The following NECAP1 variants were observed in gnomAD, a reference collection of about 807,000 sequenced individuals.
NECAP1 encodes the protein NECAP endocytosis associated 1.
A neutral mutation model predicts 33.4 loss-of-function variants in NECAP1; 13 were observed. The observed-to-expected ratio is 0.39, with a 90% CI of 0.25 to 0.62. The LOEUF (loss-of-function observed/expected upper bound fraction) is 0.62. Among genes scored for constraint, NECAP1 ranks in the 20% least tolerant of loss-of-function variants. The pLI is 0.52. For synonymous variants in NECAP1, 109 were observed against 125.2 expected, an observed-to-expected ratio of 0.87 and a Z score of 0.86; for missense variants, 272 against 347.4, an observed-to-expected ratio of 0.78 and a Z score of 1.73.
intron 1 of NECAP1, chr12:8,088,908 T>G (rs1261577318): frequency 6.6e-6 from 1 of 152,190 alleles, no homozygotes; most frequent in Non-Finnish European, 1.5e-5. Flanking sequence ...ATAACTCTCT[T>G]GCTTCACATT....
At chr12:8,091,344 C>G (rs760846700) in intron 3 of NECAP1, 61 of 168,908 alleles carry the variant, frequency 3.6e-4, no homozygotes, top group Admixed American at 1.3e-3. Context: ...CACTTTATTT[C>G]TATTATTATT....
At chr12:8,084,227 GT>G (rs748937587) in intron 1 of NECAP1, among the ~76,000 whole-genome samples, 142 of 152,234 alleles carry the variant, frequency 9.3e-4, no homozygotes, top group Middle Eastern at 3.4e-3. Flanking sequence ...GGCCCTGTGG[GT>G]TGCACCTTTG....
intron 1 of NECAP1, 115 bp downstream of exon 1, chr12:8,082,498 A>C (rs1323685938): frequency 1.5e-5 from 14 of 928,090 alleles, no homozygotes; most frequent in Middle Eastern, 2.2e-4. Flanking sequence ...TCACCTTGCT[A>C]GCCTCCCTAC....
intron 2 of NECAP1, 70 bp downstream of exon 2, chr12:8,090,106 T>G: frequency 6.3e-7 from 1 of 1,579,942 alleles, no homozygotes. Flanking sequence ...TACCTTCAAT[T>G]TGGGGACTGG....
rs1368545559 is a variant in NECAP1 at position 8,097,238 on chromosome 12, C to A, written c.*1148C>A. ...AAGCAAGTTGTTCTCCCACTACTTT[C>A]CTTTCCCTCTGCCCTGCCATTCCTA... is the stretch of plus-strand genomic sequence containing the variant. On this transcript the variant is annotated 3_prime_UTR_variant, in exon 8 of 8. Coordinates refer to ENST00000339754, the MANE Select transcript of NECAP1 (RefSeq NM_015509.4). 6.6e-6 allele frequency: 1 copy of A among 152,630 alleles called. No individual in the cohort carries two copies. Among genetic ancestry groups the A allele is most frequent in the Admixed American group, 6.5e-5 (1 of 15,278 alleles). The allele number at this position is 152,630 out of a possible 1,614,324, so 9.5% of individuals were successfully genotyped here.
intron 6 of NECAP1, 98 bp from the exon 7 acceptor site, chr12:8,095,503 C>T (rs2120494695): frequency 2.4e-6 from 2 of 831,840 alleles, no homozygotes; most frequent in Non-Finnish European, 3.8e-6. Flanking sequence ...CCGCCTCGGC[C>T]TCCCAAAGTG....
At chr12:8,084,341 A>C (rs1165706027) in intron 1 of NECAP1, among the ~76,000 whole-genome samples, 1 of 152,174 alleles carries the variant, frequency 6.6e-6, no homozygotes, top group Non-Finnish European at 1.5e-5. Context: ...CAGGTACTAT[A>C]TGAGTCACTT....
At position 8,096,254 on chromosome 12, in the gene NECAP1, C is replaced by T. The variant is rs1412794395; in HGVS notation, c.*164C>T. ...ACATTCAAGCTGGTTTATGTCACTC[C>T]CCTGTGTTGTTACTTGTACAGCCAA... On this transcript the variant is annotated 3_prime_UTR_variant, in exon 8 of 8. Transcript: ENST00000339754. The T allele has an allele frequency of 2.9e-6, 2 of 678,816 alleles. No homozygotes were observed. The highest frequency in any genetic ancestry group is 5.5e-5 in the East Asian group (2 of 36,328). 42.0% of individuals were successfully genotyped at this position (678,816 alleles called of 1,614,324 possible).
At position 8,096,204 on chromosome 12, in the gene NECAP1, C is replaced by T; in HGVS notation, c.*114C>T. On this transcript the variant is annotated 3_prime_UTR_variant, in exon 8 of 8. Transcript: ENST00000339754. ...CCTCCCCAGAACCAGAATGACTGGA[C>T]AATCTTTTTCATAGCTTCTCCATCA... 9.8e-7 allele frequency: 1 copy of T among 1,021,658 alleles called. No homozygotes were observed. The highest frequency in any genetic ancestry group is 2.5e-5 in the East Asian group (1 of 39,294). 63.3% of individuals were successfully genotyped at this position (1,021,658 alleles called of 1,614,324 possible).
At chr12:8,091,251 A>G in intron 3 of NECAP1, 1 of 154,496 alleles carries the variant, frequency 6.5e-6, no homozygotes, top group Admixed American at 6.4e-5. Context: ...GGCACCAGGG[A>G]CCCGTTTTGT....
At chr12:8,088,358 A>G (rs963831186) in intron 1 of NECAP1, among the ~76,000 whole-genome samples, 1 of 152,156 alleles carries the variant, frequency 6.6e-6, no homozygotes. Context: ...TGCTCAGGCT[A>G]AACACCTTGG....
chr12:8,088,177 G>A (rs1157171796), intron 1 of NECAP1, among the ~76,000 whole-genome samples: 7 of 152,056 alleles, frequency 4.6e-5, no homozygotes, highest in Non-Finnish European at 8.8e-5. Context: ...TTTCATGGCC[G>A]TTTGTATCTC....
At chr12:8,086,858 G>C (rs758592306) in intron 1 of NECAP1, among the ~76,000 whole-genome samples, 1 of 151,988 alleles carries the variant, frequency 6.6e-6, no homozygotes, top group Admixed American at 6.6e-5. Context: ...AGAATTGCTT[G>C]AACCCGAGGT....
At chr12:8,092,462 T>C (rs141896788) in intron 4 of NECAP1, 43 of 513,614 alleles carry the variant, frequency 8.4e-5, no homozygotes, top group African/African-American at 8.0e-4. Context: ...GCAATTCTAA[T>C]ACGTATTCCG....
chr12:8,095,082 T>C (rs1457383857), intron 6 of NECAP1, among the ~76,000 whole-genome samples: 1 of 152,224 alleles, frequency 6.6e-6, no homozygotes, highest in African/African-American at 2.4e-5. Context: ...TTTTTATTGC[T>C]GAATAGTATT....
chr12:8,091,522 A>C, intron 3 of NECAP1: 1 of 507,416 alleles, frequency 2.0e-6, no homozygotes, highest in Middle Eastern at 5.4e-4. Context: ...TCACATGTGC[A>C]GTTCACAGTA....
chr12:8,084,838 T>G (rs777872272), intron 1 of NECAP1, among the ~76,000 whole-genome samples: 1 of 152,308 alleles, frequency 6.6e-6, no homozygotes, highest in Non-Finnish European at 1.5e-5. Context: ...TGGTACACTT[T>G]GGGCACCCTG....
At chr12:8,087,716 A>G (rs1450927765) in intron 1 of NECAP1, among the ~76,000 whole-genome samples, 4 of 151,874 alleles carry the variant, frequency 2.6e-5, no homozygotes, top group African/African-American at 9.7e-5. Flanking sequence ...GCCCATTTAC[A>G]TGAGCTCTTG....
In NECAP1 at chr12:8,097,531, A is replaced by G. The variant is rs1197950807; in HGVS notation, c.*1441A>G. ...CAGGCAGCTCTATTCTTGCAGAGCC[A>G]TAGCAGGACATGTTAAAATTCCAAT... On this transcript the variant is annotated 3_prime_UTR_variant, in exon 8 of 8. Transcript: ENST00000339754. The G allele has an allele frequency of 1.3e-5, 2 of 152,632 alleles. No homozygotes were observed. Among genetic ancestry groups the G allele is most frequent in the Admixed American group, 6.5e-5 (1 of 15,280 alleles). 9.5% of individuals were successfully genotyped at this position (152,632 alleles called of 1,614,324 possible).
Sources: allele counts gnomAD v4.1 joint callset (sites outside exome capture counted in the v4.1 genomes callset), GRCh38; gene constraint gnomAD v4.1.1; transcripts MANE v1.5; gene names NCBI Gene and HGNC (gene_info 2026-07-23, HGNC 2026-07-21).